The following SYS1 variants were observed in gnomAD, a reference collection of about 807,000 sequenced individuals.
SYS1 encodes the protein SYS1 golgi trafficking protein.
A neutral mutation model predicts 17.8 loss-of-function variants in SYS1; 8 were observed. The ratio of observed to expected loss-of-function variants is 0.45; its 90% CI spans 0.26 to 0.81. SYS1 has a LOEUF of 0.81. Among genes scored for constraint, SYS1 ranks in the 40% least tolerant of loss-of-function variants. The pLI, the probability that SYS1 is intolerant of heterozygous loss-of-function variation, is 0.16. For missense variants in SYS1, 161 were observed against 203.9 expected (o/e 0.79, Z 1.28); for synonymous variants, 95 against 90.9 (o/e 1.05, Z -0.26).
exon 4 of SYS1, chr20:45,375,495 C>T (rs1397525842): frequency 1.2e-6 from 2 of 1,607,916 alleles, no homozygotes; most frequent in Non-Finnish European, 1.7e-6. Flanking sequence ...TCTCGGAGCA[C>T]CCGATCTCCT....
rs1368720595 is a variant in SYS1, at chr20:45,368,586, C to T, written c.*1471C>T. 1.0e-6 allele frequency: 1 copy of T among 985,400 alleles called. No homozygotes were observed. Among genetic ancestry groups the T allele is most frequent in the East Asian group, 1.1e-4 (1 of 8,820 alleles). The allele number at this position is 985,400 out of a possible 1,614,324, so 61.0% of individuals were successfully genotyped here. On this transcript the variant is annotated 3_prime_UTR_variant, in exon 4 of 4. Coordinates refer to ENST00000243918, the MANE Select transcript of SYS1 (RefSeq NM_033542.4). ...AGCCCTACAGAGTAGGGAGTTGATG[C>T]TGACAGGATGAAGATTTAGGAATAA...
At position 45,363,606 on chromosome 20, in the gene SYS1, G is replaced by A; in HGVS notation, c.75G>A (p.Val25=). 6.2e-7 allele frequency: 1 copy of A among 1,604,242 alleles called. No individual in the cohort carries two copies. Among genetic ancestry groups the A allele is most frequent in the Non-Finnish European group, 8.5e-7 (1 of 1,175,828 alleles). ...ILSQIVLMQT[V]YYGSLGLWLA... is the part of the protein sequence containing the mutation. ...CGCAGATCGTCCTCATGCAGACCGT[G>A]TATTACGGCTCGCTGGGCCTGTGGC... The change falls in exon 2 of 4, where the codon GTG becomes GTA. Residue 25 remains valine, a synonymous_variant. Coordinates refer to ENST00000243918, the MANE Select transcript of SYS1 (RefSeq NM_033542.4).
At chr20:45,374,213 A>G in intron 3 of SYS1, 1 of 680,078 alleles carries the variant, frequency 1.5e-6, no homozygotes, top group Non-Finnish European at 2.7e-6. Flanking sequence ...CTCCCACGAA[A>G]GGGCTGCGGT....
In SYS1 at chr20:45,375,343, A is replaced by G. The variant is rs767337541; in HGVS notation, c.*1049A>G. ...CGATGTCCTTGGAACCTCAGGCTCT[A>G]TATGCTTTTCTTTCCGTGGCATTGC... On this transcript the variant is annotated 3_prime_UTR_variant, in exon 4 of 4. Transcript: ENST00000426004. 4.0e-5 allele frequency: 65 copies of G among 1,613,866 alleles called. No homozygotes were observed. In the Admixed American group the frequency reaches 9.2e-4, roughly 23 times the overall value.
Position 45,365,621 on chromosome 20 carries a change from C to G in SYS1, c.165C>G (p.Ile55Met). 6.2e-7 allele frequency: 1 copy of G among 1,614,156 alleles called. No homozygotes were observed. Among genetic ancestry groups the G allele is most frequent in the Non-Finnish European group, 8.5e-7 (1 of 1,180,002 alleles). ...TTCCATTTGTGATTCCCCCTCAGAT[C>G]CTGGGCTTTTCCACCCCTCCAGGCC... is the stretch of plus-strand genomic sequence containing the variant. ...PSLDQMFDAE[I>M]LGFSTPPGRL... is the part of the protein sequence containing the mutation. Residue 55 changes from isoleucine (I) to methionine (M), a missense_variant and splice_region_variant, in exon 3 of 4, where the codon ATC (isoleucine) becomes ATG (methionine). Physicochemically the swap from Ile to Met is conservative, Grantham distance 10 (BLOSUM62 1). Coordinates refer to ENST00000243918, the MANE Select transcript of SYS1 (RefSeq NM_033542.4).
At position 45,363,776 on chromosome 20, in the gene SYS1, G is replaced by A. The variant is rs1447869103; in HGVS notation, c.162+83G>A. The A allele has an allele frequency of 7.8e-6, 11 of 1,407,972 alleles. No individual in the cohort carries two copies. In the East Asian group the frequency reaches 2.8e-4, roughly 35 times the overall value. The allele number at this position is 1,407,972 out of a possible 1,614,324, so 87.2% of individuals were successfully genotyped here. A position where few individuals can be genotyped will look rare whatever the true frequency, so the allele number is the denominator to read the frequency against. On this transcript the variant is annotated intron_variant, in intron 2 of 3. Coordinates refer to ENST00000243918, the MANE Select transcript of SYS1 (RefSeq NM_033542.4). ...TCCATCACTACTGTGCTGTAGACGT[G>A]GCTGGGTCACCTTCTTTCTTTGTAG...
At chr20:45,375,267 C>G (rs750707623) in exon 4 of SYS1, 8 of 1,614,070 alleles carry the variant, frequency 5.0e-6, no homozygotes, top group Non-Finnish European at 6.8e-6. Context: ...CTCGGGGGCC[C>G]TCGGTGAGTG....
chr20:45,376,360 A>G (rs1416212698), exon 4 of SYS1: 1 of 152,232 alleles, frequency 6.6e-6, no homozygotes, highest in Non-Finnish European at 1.5e-5. Context: ...TGATGATAAT[A>G]ATGGCTCCCG....
chr20:45,367,817 G>T lies in SYS1; in HGVS notation c.*702G>T, dbSNP rs1447273733. 1 of 985,814 alleles carries T rather than the reference G, an allele frequency of 1.0e-6. No individual in the cohort carries two copies. The highest frequency in any genetic ancestry group is 1.7e-5 in the African/African-American group (1 of 57,216). 61.1% of individuals were successfully genotyped at this position (985,814 alleles called of 1,614,324 possible). A position where few individuals can be genotyped will look rare whatever the true frequency, so the allele number is the denominator to read the frequency against. On this transcript the variant is annotated 3_prime_UTR_variant, in exon 4 of 4. Transcript: ENST00000243918. ...ATAGCAGGCCATAGGACCCAGAGAA[G>T]AATCCCAGCGTTGCTCAAAGTCTAA...
exon 4 of SYS1, chr20:45,374,482 G>A (rs1252233282): frequency 1.4e-5 from 8 of 561,792 alleles, no homozygotes; most frequent in Non-Finnish European, 2.5e-5. Flanking sequence ...ATGTTGCCCA[G>A]GATGGTCTTG....
chr20:45,367,105 C>T lies in SYS1; in HGVS notation c.461C>T (p.Ser154Phe). Reference sequence around the variant, plus strand: ...ATACCCCTCAACTCAGCCCCTAAATCCAATGTCTAGAATCAGGCCCTTTGG... The same window carrying T: ...ATACCCCTCAACTCAGCCCCTAAATTCAATGTCTAGAATCAGGCCCTTTGG... ...KEIPLNSAPK[S>F]NV The change falls in exon 4 of 4, where the codon TCC (serine) becomes TTC (phenylalanine). Residue 154 changes from serine (S) to phenylalanine (F), a missense_variant. Physicochemically the swap from Ser to Phe is radical, Grantham distance 155. Coordinates refer to ENST00000243918, the MANE Select transcript of SYS1 (RefSeq NM_033542.4). 2 of 1,614,168 alleles carry T rather than the reference C, an allele frequency of 1.2e-6. No individual in the cohort carries two copies. The highest frequency in any genetic ancestry group is 1.7e-6 in the Non-Finnish European group (2 of 1,180,036).
At chr20:45,363,347 G>A (rs1600743137) in intron 1 of SYS1, 32 bp downstream of exon 1, 3 of 1,426,216 alleles carry the variant, frequency 2.1e-6, no homozygotes, top group East Asian at 2.5e-5. Flanking sequence ...TCGTGTACGG[G>A]CGGGGGCCGC....
Position 45,367,342 on chromosome 20 carries a change from AG to A in SYS1, c.*229del. On this transcript the variant is annotated 3_prime_UTR_variant, in exon 4 of 4. Transcript: ENST00000243918. ...TTGAAGCCTTGGTATCTGAGAGGTC[AG>A]GAAGGGGACCTCTTTGAGGGTAATA... 1 of 1,382,690 alleles carries A rather than the reference AG, an allele frequency of 7.2e-7. No individual in the cohort carries two copies. The highest frequency in any genetic ancestry group is 9.4e-7 in the Non-Finnish European group (1 of 1,067,876). 85.7% of individuals were successfully genotyped at this position (1,382,690 alleles called of 1,614,324 possible).
rs1007673140 is a variant in SYS1 at position 45,367,017 on chromosome 20, G to A, written c.373G>A (p.Val125Met). Residue 125 changes from valine (V) to methionine (M), a missense_variant, in exon 4 of 4, where the codon GTG becomes ATG. Physicochemically the swap from Val to Met is conservative, Grantham distance 21 (BLOSUM62 1). Transcript: ENST00000243918. ...GCTGACCTGGTGGCTGGTCCAAGCC[G>A]TGTGCATTGCACTCATGGCTGTCAT... ...SALTWWLVQA[V>M]CIALMAVIGE... 4 of 1,614,032 alleles carry A rather than the reference G, an allele frequency of 2.5e-6. No individual in the cohort carries two copies. Among genetic ancestry groups the A allele is most frequent in the South Asian group, 1.1e-5 (1 of 91,084 alleles).
In SYS1 at chr20:45,367,462, C is replaced by A; in HGVS notation, c.*347C>A. 2 of 1,103,064 alleles carry A rather than the reference C, an allele frequency of 1.8e-6. No homozygotes were observed. Among genetic ancestry groups the A allele is most frequent in the Admixed American group, 4.7e-5 (1 of 21,366 alleles). 68.3% of individuals were successfully genotyped at this position (1,103,064 alleles called of 1,614,324 possible). Reference sequence around the variant, plus strand: ...AAAAATCAAGGATATCTGATTGGAGCAAACCACTTCTTTAGTCATCTGTCT... The same window carrying A: ...AAAAATCAAGGATATCTGATTGGAGAAAACCACTTCTTTAGTCATCTGTCT... On this transcript the variant is annotated 3_prime_UTR_variant, in exon 4 of 4. Coordinates refer to ENST00000243918, the MANE Select transcript of SYS1 (RefSeq NM_033542.4).
chr20:45,363,049 G>C (rs78076898), upstream of SYS1: 1,067 of 952,266 alleles, frequency 1.1e-3, 10 homozygotes, highest in African/African-American at 0.017. Flanking sequence ...TGCTCAGTTC[G>C]CTATCCGGCT....
At chr20:45,375,512 CTTCATT>C in exon 4 of SYS1, 2 of 1,567,236 alleles carry the variant, frequency 1.3e-6, no homozygotes, top group Non-Finnish European at 1.7e-6. Flanking sequence ...TCCTGGAACT[CTTCATT>C]ATTTTGTTTT....
intron 2 of SYS1, among the ~76,000 whole-genome samples, chr20:45,364,990 G>C (rs1285199166): frequency 6.6e-6 from 1 of 152,224 alleles, no homozygotes. Flanking sequence ...GCATTTGATA[G>C]TATTGTGTTG....
chr20:45,364,465 C>CTTTTTTTTTT (rs386393831), intron 2 of SYS1, among the ~76,000 whole-genome samples: 1 of 80,134 alleles, frequency 1.2e-5, no homozygotes, highest in African/African-American at 5.0e-5. Context: ...GAGCACAGTT[C>CTTTTTTTTTT]TTTTTTTTTT....
Sources: allele counts gnomAD v4.1 joint callset (sites outside exome capture counted in the v4.1 genomes callset), GRCh38; gene constraint gnomAD v4.1.1; transcripts MANE v1.5; gene names NCBI Gene and HGNC (gene_info 2026-07-23, HGNC 2026-07-21).